Variants in MYO1D observed in about 807,000 individuals in gnomAD.
MYO1D encodes unconventional myosin-Id.
MYO1D carries 83 observed loss-of-function variants against 122.0 expected under a neutral mutation model. That is an observed-to-expected ratio of 0.68 (90% CI 0.57 to 0.82). The LOEUF (loss-of-function observed/expected upper bound fraction) is 0.82. Among genes scored for constraint, MYO1D ranks in the 40% least tolerant of loss-of-function variants. MYO1D has a pLI of 0.00. For missense variants in MYO1D, 1,157 were observed against 1,269.5 expected (o/e 0.91, Z 1.35); for synonymous variants, 464 against 446.9 (o/e 1.04, Z -0.48).
At chr17:32,643,134 C>T (rs756646765) in intron 19 of MYO1D, among the ~76,000 whole-genome samples, 20 of 152,134 alleles carry the variant, frequency 1.3e-4, no homozygotes, top group Middle Eastern at 3.4e-3. Context: ...TAGCATGAAG[C>T]GCTGTTGAAT....
chr17:32,801,346 C>T (rs9915665), intron 1 of MYO1D, among the ~76,000 whole-genome samples: 5,452 of 152,180 alleles, frequency 0.036, 317 homozygotes, highest in African/African-American at 0.12. Flanking sequence ...AGGGTTTGGC[C>T]GGCGTGGCCA....
chr17:32,804,938 C>A (rs960395131), intron 1 of MYO1D, among the ~76,000 whole-genome samples: 10 of 152,148 alleles, frequency 6.6e-5, no homozygotes, highest in Non-Finnish European at 1.5e-4. Context: ...GGATTGGTCA[C>A]ACACAGTCTG....
chr17:32,779,095 A>T (rs914082240), intron 2 of MYO1D, among the ~76,000 whole-genome samples: 9 of 152,172 alleles, frequency 5.9e-5, no homozygotes, highest in African/African-American at 1.9e-4. Flanking sequence ...AAGCATGACA[A>T]TTGGGATAAT....
At chr17:32,631,199 G>T (rs565569013) in intron 20 of MYO1D, among the ~76,000 whole-genome samples, 43 of 152,298 alleles carry the variant, frequency 2.8e-4, no homozygotes, top group Admixed American at 2.7e-3. Context: ...AAAAAACAGG[G>T]TAGGGGTATA....
chr17:32,662,231 T>C (rs2088575546), intron 16 of MYO1D, among the ~76,000 whole-genome samples: 1 of 152,228 alleles, frequency 6.6e-6, no homozygotes, highest in South Asian at 2.1e-4. Context: ...AAAAGGTGTA[T>C]GGCCAATACA....
intron 20 of MYO1D, among the ~76,000 whole-genome samples, chr17:32,624,125 A>G (rs1472334660): frequency 1.3e-5 from 2 of 152,210 alleles, no homozygotes; most frequent in Non-Finnish European, 2.9e-5. Flanking sequence ...AACAAAAGTG[A>G]AAAAATTTGG....
At chr17:32,663,669 T>G (rs1436897628) in intron 16 of MYO1D, among the ~76,000 whole-genome samples, 2 of 152,220 alleles carry the variant, frequency 1.3e-5, no homozygotes, top group Admixed American at 1.3e-4. Flanking sequence ...GCAGGAAAGA[T>G]GGCAAACCTT....
chr17:32,632,584 TATACACACACACACAC>T (rs1475042233), intron 20 of MYO1D: 11 of 98,622 alleles, frequency 1.1e-4, no homozygotes, highest in African/African-American at 5.4e-4. Context: ...TATATATATA[TATACACACACACACAC>T]ACACACACAC....
intron 16 of MYO1D, among the ~76,000 whole-genome samples, chr17:32,670,892 T>C (rs1013211168): frequency 6.6e-6 from 1 of 152,192 alleles, no homozygotes; most frequent in African/African-American, 2.4e-5. Flanking sequence ...ATTGTCAGCA[T>C]GACCTCATTC....
chr17:32,594,644 C>T, intron 21 of MYO1D: 1 of 555,438 alleles, frequency 1.8e-6, no homozygotes, highest in Non-Finnish European at 3.2e-6. Flanking sequence ...CTATATCTCT[C>T]TTACTGTTAA....
rs900277233 is a variant in MYO1D at position 32,750,919 on chromosome 17, C to T, written c.1468-1913G>A. ...CAAAATACTTAGTTCCCCTTTTCTG[C>T]TCTCTCTCTTATTAACCCCTTTTAC... On this transcript the variant is annotated intron_variant, in intron 11 of 21. Coordinates refer to ENST00000318217, the MANE Select transcript of MYO1D (RefSeq NM_015194.3). Among the ~76,000 whole-genome samples, 5 of 152,204 alleles carry T rather than the reference C, an allele frequency of 3.3e-5. No homozygotes were observed. In the South Asian group the frequency reaches 6.2e-4, roughly 19 times the overall value.
At chr17:32,788,654 G>T (rs762964615) in intron 1 of MYO1D, among the ~76,000 whole-genome samples, 3 of 152,124 alleles carry the variant, frequency 2.0e-5, no homozygotes, top group Non-Finnish European at 2.9e-5. Context: ...GGTAACTATA[G>T]CCTTACAGTA....
intron 1 of MYO1D, among the ~76,000 whole-genome samples, chr17:32,793,561 T>C (rs1394594408): frequency 2.6e-5 from 4 of 152,164 alleles, no homozygotes; most frequent in East Asian, 1.9e-4. Context: ...TAACCACTTC[T>C]TGGTTTACAC....
At chr17:32,742,771 A>T (rs550074460) in intron 13 of MYO1D, among the ~76,000 whole-genome samples, 258 of 152,288 alleles carry the variant, frequency 1.7e-3, no homozygotes, top group Non-Finnish European at 2.4e-3. Flanking sequence ...TGATAGTGCC[A>T]TCATTAATCT....
At chr17:32,525,981 C>T (rs952083488) in intron 21 of MYO1D, among the ~76,000 whole-genome samples, 9 of 152,186 alleles carry the variant, frequency 5.9e-5, no homozygotes, top group East Asian at 1.9e-4. Context: ...CTTTTGCACA[C>T]GCTATTCCCC....
At chr17:32,653,411 A>G (rs1177948625) in intron 19 of MYO1D, among the ~76,000 whole-genome samples, 1 of 151,896 alleles carries the variant, frequency 6.6e-6, no homozygotes, top group South Asian at 2.1e-4. Context: ...GTTCGAGACC[A>G]GCCTGACCAA....
At chr17:32,537,114 C>T (rs1464947218) in intron 21 of MYO1D, among the ~76,000 whole-genome samples, 1 of 152,208 alleles carries the variant, frequency 6.6e-6, no homozygotes, top group Admixed American at 6.5e-5. Flanking sequence ...ATATTAATGA[C>T]ATCTAAAGAA....
chr17:32,517,413 T>C (rs1381168337), intron 21 of MYO1D, among the ~76,000 whole-genome samples: 1 of 152,226 alleles, frequency 6.6e-6, no homozygotes, highest in Admixed American at 6.5e-5. Flanking sequence ...AATGGAATCT[T>C]TGGGTTTGGT....
At position 32,721,142 on chromosome 17, in the gene MYO1D, TG is replaced by T; in HGVS notation, c.1793del (p.Pro598HisfsTer13). ...GGCAGCGTTCATCATCAAATATCTG[TG>T]GAGATTTCTTGTCATTGGGTTTGAT... ...RCIKPNDKKS[P>X]QIFDDERCRH... On this transcript the variant is annotated frameshift_variant, in exon 15 of 22. Transcript: ENST00000318217. LOFTEE classifies it high-confidence loss of function. The T allele has an allele frequency of 6.2e-7, 1 of 1,614,130 alleles. No individual in the cohort carries two copies. The highest frequency in any genetic ancestry group is 1.1e-5 in the South Asian group (1 of 91,070).
Sources: allele counts gnomAD v4.1 joint callset (sites outside exome capture counted in the v4.1 genomes callset), GRCh38; gene constraint gnomAD v4.1.1; transcripts MANE v1.5; gene names NCBI Gene and HGNC (gene_info 2026-07-23, HGNC 2026-07-21).